Variants in KCND2 observed in about 807,000 individuals in gnomAD.
The protein encoded by KCND2 is A-type voltage-gated potassium channel KCND2.
In KCND2, 16 loss-of-function variants were observed where a neutral mutation model predicts 54.4. The observed-to-expected ratio is 0.29, with a 90% CI of 0.20 to 0.45. The LOEUF is 0.45. KCND2 is among the 20% of genes least tolerant of loss of function. KCND2 has a pLI of 1.00. For missense variants in KCND2, 486 were observed against 824.2 expected (o/e 0.59, Z 5.02); for synonymous variants, 317 against 310.7 (o/e 1.02, Z -0.21).
At chr7:120,732,428 T>G (rs1170742548) in intron 1 of KCND2, among the ~76,000 whole-genome samples, 2 of 152,144 alleles carry the variant, frequency 1.3e-5, no homozygotes, top group African/African-American at 4.8e-5. Flanking sequence ...ATGGGGACCT[T>G]GAAAAGTTTA....
intron 2 of KCND2, among the ~76,000 whole-genome samples, chr7:120,733,681 T>C (rs1048873448): frequency 6.6e-6 from 1 of 152,136 alleles, no homozygotes; most frequent in Admixed American, 6.6e-5. Context: ...ATATTTTACA[T>C]AGTTGACACA....
chr7:120,670,688 G>A (rs1791980511), intron 1 of KCND2, among the ~76,000 whole-genome samples: 1 of 152,000 alleles, frequency 6.6e-6, no homozygotes, highest in African/African-American at 2.4e-5. Context: ...AGGCCGAGGT[G>A]GGTGGATCAC....
rs1368528567 is a variant in KCND2, at chr7:120,420,174, G to A, written c.1115+144427G>A. Among the ~76,000 whole-genome samples the A allele has an allele frequency of 2.0e-5, 3 of 149,490 alleles. No homozygotes were observed. The East Asian group carries it at 5.8e-4, about 29-fold the overall frequency. ...GTGATTAATCTATGCAAGGCCTTTA[G>A]TTAGTGCTTAGCATAGAATATTTAC... On this transcript the variant is annotated intron_variant, in intron 1 of 5. Coordinates refer to ENST00000331113, the MANE Select transcript of KCND2 (RefSeq NM_012281.3).
At chr7:120,742,375 T>C (rs1792952743) in intron 3 of KCND2, 135 bp from the exon 4 acceptor site, 6 of 759,368 alleles carry the variant, frequency 7.9e-6, no homozygotes, top group East Asian at 2.5e-5. Flanking sequence ...GAACTGCACA[T>C]TTGTTCCTTT....
chr7:120,414,363 A>G (rs1346178851), intron 1 of KCND2, among the ~76,000 whole-genome samples: 1 of 152,146 alleles, frequency 6.6e-6, no homozygotes, highest in Non-Finnish European at 1.5e-5. Context: ...AGTAATTACC[A>G]ATTGTCCAAT....
At chr7:120,309,474 T>TATATATATATATACAC (rs1257702636) in intron 1 of KCND2, among the ~76,000 whole-genome samples, 1 of 113,278 alleles carries the variant, frequency 8.8e-6, no homozygotes, top group African/African-American at 3.4e-5. Flanking sequence ...TATATATATA[T>TATATATATATATACAC]ACACACACAC....
chr7:120,273,518 C>G lies in KCND2; in HGVS notation c.-1115C>G. ...GAGCGAGTCCCCTCCGTTCTCGCCT[C>G]CCCCGCACCTTTTGAACTTGTTGCT... On this transcript the variant is annotated 5_prime_UTR_variant, in exon 1 of 6. Transcript: ENST00000331113. 6.5e-6 allele frequency: 1 copy of G among 153,070 alleles called. No homozygotes were observed. The highest frequency in any genetic ancestry group is 1.5e-5 in the Non-Finnish European group (1 of 68,196). The allele number at this position is 153,070 out of a possible 1,614,324, so 9.5% of individuals were successfully genotyped here. A position where few individuals can be genotyped will look rare whatever the true frequency, so the allele number is the denominator to read the frequency against.
At chr7:120,700,673 A>G (rs1367250482) in intron 1 of KCND2, among the ~76,000 whole-genome samples, 1 of 152,240 alleles carries the variant, frequency 6.6e-6, no homozygotes, top group African/African-American at 2.4e-5. Flanking sequence ...TCCTTCATGA[A>G]ATAAACAAAT....
At chr7:120,404,017 T>C (rs1801311831) in intron 1 of KCND2, among the ~76,000 whole-genome samples, 1 of 152,138 alleles carries the variant, frequency 6.6e-6, no homozygotes, top group Non-Finnish European at 1.5e-5. Context: ...AAAACTATGC[T>C]TGGAAATTAA....
intron 1 of KCND2, among the ~76,000 whole-genome samples, chr7:120,387,054 G>C (rs1250843172): frequency 6.6e-6 from 1 of 152,030 alleles, no homozygotes; most frequent in Admixed American, 6.6e-5. Flanking sequence ...CTATGTAGCT[G>C]ATTTGTTATT....
At position 120,747,912 on chromosome 7, in the gene KCND2, C is replaced by A; in HGVS notation, c.*54C>A. 1 of 1,330,862 alleles carries A rather than the reference C, an allele frequency of 7.5e-7. No homozygotes were observed. The highest frequency in any genetic ancestry group is 1.4e-5 in the African/African-American group (1 of 69,092). The allele number at this position is 1,330,862 out of a possible 1,614,324, so 82.4% of individuals were successfully genotyped here. On this transcript the variant is annotated 3_prime_UTR_variant, in exon 6 of 6. Coordinates refer to ENST00000331113, the MANE Select transcript of KCND2 (RefSeq NM_012281.3). ...CGAGCCCTGGCTGTGAAAAGAATCT[C>A]AACATAGAAGAAAGAAGAAACAATA...
chr7:120,584,328 C>G (rs575068752), intron 1 of KCND2, among the ~76,000 whole-genome samples: 10 of 152,282 alleles, frequency 6.6e-5, no homozygotes, highest in African/African-American at 2.2e-4. Context: ...CTGATCATTT[C>G]TAGTCTCACA....
chr7:120,591,612 AT>A (rs5886993), intron 1 of KCND2, among the ~76,000 whole-genome samples: 7,965 of 152,278 alleles, frequency 0.052, 593 homozygotes, highest in African/African-American at 0.17. Flanking sequence ...AATCATAACC[AT>A]GCTCAACCTT....
At chr7:120,684,788 G>T (rs769645768) in intron 1 of KCND2, among the ~76,000 whole-genome samples, 3 of 152,062 alleles carry the variant, frequency 2.0e-5, no homozygotes, top group African/African-American at 4.8e-5. Flanking sequence ...GGTCAGCAGC[G>T]GTTTTAGAAT....
intron 1 of KCND2, among the ~76,000 whole-genome samples, chr7:120,571,228 C>A (rs1232799317): frequency 6.6e-6 from 1 of 152,114 alleles, no homozygotes; most frequent in Non-Finnish European, 1.5e-5. Context: ...TTATTTGTGA[C>A]TTATCCATTG....
intron 1 of KCND2, among the ~76,000 whole-genome samples, chr7:120,612,597 T>G (rs1012757328): frequency 1.3e-5 from 2 of 152,208 alleles, no homozygotes; most frequent in African/African-American, 4.8e-5. Flanking sequence ...ATATCAAATA[T>G]TCAGACTATT....
At position 120,737,866 on chromosome 7, in the gene KCND2, A is replaced by C. The variant is rs1028958014; in HGVS notation, c.1279-3668A>C. Among the ~76,000 whole-genome samples, 3 of 151,942 alleles carry C rather than the reference A, an allele frequency of 2.0e-5. No individual in the cohort carries two copies. The Admixed American group carries it at 2.0e-4, about 10-fold the overall frequency. On this transcript the variant is annotated intron_variant, in intron 2 of 5. Coordinates refer to ENST00000331113, the MANE Select transcript of KCND2 (RefSeq NM_012281.3). The stretch of plus-strand genomic sequence containing the variant: ...TACCTCACTTTTAAGGCTACCTAGG[A>C]TACCTTTATTTTTCAAAAGATTTTG...
At chr7:120,688,466 C>T (rs550333871) in intron 1 of KCND2, among the ~76,000 whole-genome samples, 1 of 152,232 alleles carries the variant, frequency 6.6e-6, no homozygotes, top group East Asian at 1.9e-4. Flanking sequence ...TACAGAAACA[C>T]GAGAAGGACC....
At chr7:120,364,436 C>T (rs1159758118) in intron 1 of KCND2, among the ~76,000 whole-genome samples, 1 of 152,064 alleles carries the variant, frequency 6.6e-6, no homozygotes, top group Non-Finnish European at 1.5e-5. Flanking sequence ...AATTTATGGA[C>T]ATAATAAGCT....
Sources: gnomAD v4.1 joint callset for allele counts (sites outside exome capture counted in the v4.1 genomes callset) on GRCh38, gnomAD v4.1.1 for gene constraint, MANE v1.5 for transcripts, NCBI Gene and HGNC (gene_info 2026-07-23, HGNC 2026-07-21) for gene names.